ITGB5: variants seen among roughly 807,000 people sequenced by gnomAD.
ITGB5 encodes the protein integrin beta-5.
ITGB5 carries 38 observed loss-of-function variants against 84.8 expected under a neutral mutation model. That is an observed-to-expected ratio of 0.45 (90% CI 0.35 to 0.59). ITGB5 has a LOEUF of 0.59. ITGB5 is among the 20% of genes least tolerant of loss of function. The pLI is 0.01. For synonymous variants in ITGB5, 393 were observed against 414.4 expected, an observed-to-expected ratio of 0.95 and a Z score of 0.63; for missense variants, 905 against 1,034.5, an observed-to-expected ratio of 0.87 and a Z score of 1.72.
intron 5 of ITGB5, among the ~76,000 whole-genome samples, chr3:124,837,849 G>C (rs1448742890): frequency 6.6e-6 from 1 of 152,256 alleles, no homozygotes; most frequent in African/African-American, 2.4e-5. Context: ...CCAGGGCACA[G>C]GGTCAGGGGA....
At position 124,796,445 on chromosome 3, in the gene ITGB5, G is replaced by A; in HGVS notation, c.1636C>T (p.Pro546Ser). Residue 546 changes from proline (P) to serine (S), a missense_variant, in exon 10 of 15, where the codon CCT becomes TCT. Physicochemically the swap from Pro to Ser is moderately conservative, Grantham distance 74. Coordinates refer to ENST00000296181, the MANE Select transcript of ITGB5 (RefSeq NM_002213.5). The stretch of plus-strand genomic sequence containing the variant: ...GAGAAGTTGTCGCACTCACAGAAAG[G>A]CCCATAGATCTTGCCAAACTCGCTC... The part of the protein sequence containing the change: ...FESEFGKIYG[P>S]FCECDNFSCA... 2 of 1,614,100 alleles carry A rather than the reference G, an allele frequency of 1.2e-6. No homozygotes were observed. The highest frequency in any genetic ancestry group is 1.7e-6 in the Non-Finnish European group (2 of 1,180,008).
chr3:124,798,289 G>T (rs1443151720), intron 9 of ITGB5, among the ~76,000 whole-genome samples: 6 of 152,026 alleles, frequency 3.9e-5, no homozygotes, highest in African/African-American at 1.2e-4. Flanking sequence ...CTGACCTCGT[G>T]ATCTGCCCAC....
intron 10 of ITGB5, among the ~76,000 whole-genome samples, chr3:124,789,232 G>A (rs1235647834): frequency 6.6e-6 from 1 of 152,254 alleles, no homozygotes; most frequent in East Asian, 1.9e-4. Context: ...AATATGGTGA[G>A]AAACACTTTT....
intron 5 of ITGB5, among the ~76,000 whole-genome samples, chr3:124,824,025 T>C (rs917222816): frequency 2.6e-5 from 4 of 152,356 alleles, no homozygotes; most frequent in Non-Finnish European, 4.4e-5. Flanking sequence ...AATTGGTTTA[T>C]AGATTTGACA....
chr3:124,820,334 G>A (rs1348183633), intron 6 of ITGB5, among the ~76,000 whole-genome samples: 2 of 152,174 alleles, frequency 1.3e-5, no homozygotes, highest in African/African-American at 4.8e-5. Context: ...TTGTGGCTCA[G>A]ACGGGCAGAG....
chr3:124,769,000 G>A lies in ITGB5; in HGVS notation c.2017+13C>T. ...AAAAACCGTGACTGCCCGGGTGGTGGCAGCACACTCACCGATGGTGTCCAC... is the reference window on the plus strand; with the variant it reads ...AAAAACCGTGACTGCCCGGGTGGTGACAGCACACTCACCGATGGTGTCCAC... On this transcript the variant is annotated intron_variant, in intron 12 of 14. Transcript: ENST00000296181. 1 of 1,600,374 alleles carries A rather than the reference G, an allele frequency of 6.2e-7. No homozygotes were observed. The highest frequency in any genetic ancestry group is 1.3e-5 in the African/African-American group (1 of 74,714).
chr3:124,854,778 T>A (rs1429500479), intron 3 of ITGB5, among the ~76,000 whole-genome samples: 1 of 152,168 alleles, frequency 6.6e-6, no homozygotes, highest in Non-Finnish European at 1.5e-5. Context: ...TATCTCAATT[T>A]AAAAAAATAA....
chr3:124,808,405 T>G (rs191596653), intron 9 of ITGB5, among the ~76,000 whole-genome samples: 7 of 152,326 alleles, frequency 4.6e-5, no homozygotes, highest in Admixed American at 4.6e-4. Flanking sequence ...GCGGCCTCTG[T>G]GCCCGTGTCT....
At chr3:124,886,805 C>G (rs1934834390) in intron 1 of ITGB5, 126 bp downstream of exon 1, 2 of 431,038 alleles carry the variant, frequency 4.6e-6, no homozygotes, top group Admixed American at 5.1e-5. Context: ...ACTGGCCCAC[C>G]AGGGAGTGCC....
At chr3:124,888,783 G>C (rs1299368909), upstream of ITGB5, among the ~76,000 whole-genome samples, 1 of 152,176 alleles carries the variant, frequency 6.6e-6, no homozygotes, top group Non-Finnish European at 1.5e-5. Context: ...CAGGGACCTG[G>C]TGGAAGAATG....
chr3:124,877,629 A>C (rs2107645966), intron 1 of ITGB5, among the ~76,000 whole-genome samples: 1 of 152,256 alleles, frequency 6.6e-6, no homozygotes, highest in East Asian at 1.9e-4. Context: ...AGAGTATGTG[A>C]CTTGAAACAA....
chr3:124,769,307 C>CT (rs2063809379), intron 11 of ITGB5, 194 bp from the exon 12 acceptor site: 15 of 558,376 alleles, frequency 2.7e-5, no homozygotes, highest in Non-Finnish European at 3.2e-5. Context: ...TTGGAGGAGC[C>CT]TGTGTGAGTT....
At chr3:124,855,284 C>T (rs535160838) in intron 3 of ITGB5, among the ~76,000 whole-genome samples, 4 of 152,112 alleles carry the variant, frequency 2.6e-5, no homozygotes, top group Non-Finnish European at 5.9e-5. Flanking sequence ...CCAGCCTGGG[C>T]GACAGAGCGA....
At chr3:124,805,397 TC>T (rs2064384708) in intron 9 of ITGB5, among the ~76,000 whole-genome samples, 1 of 151,940 alleles carries the variant, frequency 6.6e-6, no homozygotes, top group South Asian at 2.1e-4. Context: ...CAAGTCTCAG[TC>T]TCCCAAAATG....
chr3:124,867,141 G>T (rs939276616), intron 2 of ITGB5, among the ~76,000 whole-genome samples: 2 of 151,852 alleles, frequency 1.3e-5, no homozygotes, highest in East Asian at 3.9e-4. Context: ...GGCAAAGACC[G>T]CTCACCCCAG....
intron 5 of ITGB5, among the ~76,000 whole-genome samples, chr3:124,840,524 C>T (rs533351931): frequency 1.3e-5 from 2 of 151,954 alleles, no homozygotes; most frequent in Non-Finnish European, 2.9e-5. Flanking sequence ...ATATATTTTG[C>T]TAAGATTGGA....
chr3:124,763,879 T>C (rs1423525805), intron 14 of ITGB5, among the ~76,000 whole-genome samples, 161 bp from the exon 15 acceptor site: 23 of 152,168 alleles, frequency 1.5e-4, no homozygotes, highest in Admixed American at 1.5e-3. Context: ...CAGCTCTGTG[T>C]TCCCCAGGAA....
At chr3:124,817,074 A>T (rs913244648) in intron 8 of ITGB5, among the ~76,000 whole-genome samples, 1 of 152,224 alleles carries the variant, frequency 6.6e-6, no homozygotes, top group Non-Finnish European at 1.5e-5. Flanking sequence ...TTTTTAAATT[A>T]AAAACAAAAA....
At position 124,852,157 on chromosome 3, in the gene ITGB5, G is replaced by A. The variant is rs571773462; in HGVS notation, c.362-3599C>T. On this transcript the variant is annotated intron_variant, in intron 3 of 14. Coordinates refer to ENST00000296181, the MANE Select transcript of ITGB5 (RefSeq NM_002213.5). ...CCCGCTGCCCGGCAGAGTGGGAAGC[G>A]CTTCTCGCCTTTAATTTGCCTGTCT... Among the ~76,000 whole-genome samples, 13 of 152,136 alleles carry A rather than the reference G, an allele frequency of 8.5e-5. No individual in the cohort carries two copies. In the South Asian group the frequency reaches 1.2e-3, roughly 15 times the overall value.
Sources: gnomAD v4.1 joint callset for allele counts (sites outside exome capture counted in the v4.1 genomes callset) on GRCh38, gnomAD v4.1.1 for gene constraint, MANE v1.5 for transcripts, NCBI Gene and HGNC (gene_info 2026-07-23, HGNC 2026-07-21) for gene names.